C12orf54: variants seen among roughly 807,000 people sequenced by gnomAD.
C12orf54 encodes chromosome 12 open reading frame 54, also known as uncharacterized protein C12orf54.
A neutral mutation model predicts 26.4 loss-of-function variants in C12orf54; 24 were observed. That is an observed-to-expected ratio of 0.91 (90% CI 0.66 to 1.28). C12orf54 has a LOEUF of 1.28. Among genes scored for constraint, C12orf54 ranks in the 50% most tolerant of loss-of-function variants. The pLI is 0.00. For missense variants in C12orf54, 154 were observed against 150.9 expected (o/e 1.02, Z -0.11); for synonymous variants, 54 against 47.0 (o/e 1.15, Z -0.61).
chr12:48,439,129 CA>C, the C12orf54 span, among the ~76,000 whole-genome samples: 1 of 152,008 alleles, frequency 6.6e-6, no homozygotes, highest in Non-Finnish European at 1.5e-5. Context: ...TTTATGCAGC[CA>C]AAAAACACAT....
At chr12:48,413,398 T>G in the C12orf54 span, among the ~76,000 whole-genome samples, 1 of 152,194 alleles carries the variant, frequency 6.6e-6, no homozygotes, top group Non-Finnish European at 1.5e-5. Context: ...CTAGCACTCT[T>G]CAACCCCAAA....
the C12orf54 span, among the ~76,000 whole-genome samples, chr12:48,415,335 G>A: frequency 7.2e-5 from 11 of 152,094 alleles, no homozygotes; most frequent in South Asian, 2.1e-4. Context: ...AGTTAACTGC[G>A]GTTGATCGCT....
the C12orf54 span, among the ~76,000 whole-genome samples, chr12:48,453,333 G>C: frequency 6.6e-6 from 1 of 151,768 alleles, no homozygotes; most frequent in East Asian, 2.0e-4. Context: ...ACTGGGGCCT[G>C]TTGGAGGGTG....
At chr12:48,485,553 C>T (rs556940313) in intron 2 of C12orf54, among the ~76,000 whole-genome samples, 218 of 152,232 alleles carry the variant, frequency 1.4e-3, no homozygotes, top group African/African-American at 4.7e-3. Context: ...CTGGTTGCCC[C>T]GATTTCACTC....
chr12:48,450,993 C>G, the C12orf54 span, among the ~76,000 whole-genome samples: 2 of 152,036 alleles, frequency 1.3e-5, no homozygotes, highest in African/African-American at 2.4e-5. Context: ...CAGCATCATC[C>G]TGATACCAAA....
At chr12:48,451,360 A>C in the C12orf54 span, among the ~76,000 whole-genome samples, 195 of 152,308 alleles carry the variant, frequency 1.3e-3, no homozygotes, top group African/African-American at 4.6e-3. Flanking sequence ...AGGGCCACAT[A>C]TGACAAACCC....
intron 3 of C12orf54, 118 bp from the exon 4 acceptor site, chr12:48,486,570 T>C (rs1175764803): frequency 8.5e-6 from 9 of 1,059,292 alleles, no homozygotes; most frequent in Non-Finnish European, 1.3e-5. Context: ...TGGGGTGATT[T>C]TGGGTGTCCA....
At chr12:48,477,524 A>G (rs547388263), upstream of C12orf54, among the ~76,000 whole-genome samples, 2 of 152,238 alleles carry the variant, frequency 1.3e-5, no homozygotes, top group Non-Finnish European at 2.9e-5. Context: ...AAGAAAATAG[A>G]GAAGAATCAA....
intron 4 of C12orf54, 113 bp downstream of exon 4, chr12:48,486,839 T>A (rs887938276): frequency 9.2e-7 from 1 of 1,086,594 alleles, no homozygotes; most frequent in African/African-American, 1.6e-5. Flanking sequence ...TGATTGACGG[T>A]GAAGGATCAA....
chr12:48,472,662 G>A, the C12orf54 span: 1 of 1,614,030 alleles, frequency 6.2e-7, no homozygotes, highest in Non-Finnish European at 8.5e-7. Flanking sequence ...GAAAGCGTGA[G>A]AGATGGAGAT....
the C12orf54 span, among the ~76,000 whole-genome samples, chr12:48,441,545 T>C: frequency 6.6e-6 from 1 of 151,490 alleles, no homozygotes; most frequent in Non-Finnish European, 1.5e-5. Flanking sequence ...CCAGGAAGAA[T>C]GAGTGAATAA....
chr12:48,490,178 G>T (rs982819920), intron 5 of C12orf54, among the ~76,000 whole-genome samples: 4 of 152,204 alleles, frequency 2.6e-5, no homozygotes, highest in African/African-American at 9.7e-5. Flanking sequence ...GGTATGAATA[G>T]TTATGACTGT....
At chr12:48,445,346 G>A in the C12orf54 span, among the ~76,000 whole-genome samples, 9,879 of 151,858 alleles carry the variant, frequency 0.065, 1,088 homozygotes, top group African/African-American at 0.22. Flanking sequence ...AGGTAATAGA[G>A]AAGAATTTCA....
the C12orf54 span, among the ~76,000 whole-genome samples, chr12:48,423,973 T>G: frequency 6.6e-6 from 1 of 152,094 alleles, no homozygotes; most frequent in African/African-American, 2.4e-5. Flanking sequence ...GATGTTAATT[T>G]TTAAAATATA....
the C12orf54 span, among the ~76,000 whole-genome samples, chr12:48,436,982 A>T: frequency 6.6e-6 from 1 of 151,552 alleles, no homozygotes; most frequent in African/African-American, 2.4e-5. Flanking sequence ...TTTTTTGAAA[A>T]GATCAACAAA....
At chr12:48,443,249 A>G in the C12orf54 span, among the ~76,000 whole-genome samples, 1 of 152,124 alleles carries the variant, frequency 6.6e-6, no homozygotes, top group Non-Finnish European at 1.5e-5. Flanking sequence ...GTGTTTGTAA[A>G]CTATTGCTAA....
At chr12:48,445,133 A>G in the C12orf54 span, among the ~76,000 whole-genome samples, 1 of 152,140 alleles carries the variant, frequency 6.6e-6, no homozygotes, top group South Asian at 2.1e-4. Flanking sequence ...AGATCGTGCC[A>G]CTGCACTCCA....
chr12:48,452,437 T>C, the C12orf54 span, among the ~76,000 whole-genome samples: 22 of 152,278 alleles, frequency 1.4e-4, no homozygotes, highest in African/African-American at 5.3e-4. Context: ...AAAGATTTCA[T>C]GACAAAGATG....
chr12:48,481,157 A>G (rs757907282), upstream of C12orf54, among the ~76,000 whole-genome samples: 5 of 152,174 alleles, frequency 3.3e-5, no homozygotes, highest in African/African-American at 4.8e-5. Flanking sequence ...TATCCTTGTA[A>G]CAAACCTACA....
Sources: gnomAD v4.1 joint callset for allele counts (sites outside exome capture counted in the v4.1 genomes callset) on GRCh38, gnomAD v4.1.1 for gene constraint, MANE v1.5 for transcripts, NCBI Gene and HGNC (gene_info 2026-07-23, HGNC 2026-07-21) for gene names.